FILIP1L: variants seen among roughly 807,000 people sequenced by gnomAD.
FILIP1L encodes the protein filamin A-interacting protein 1-like.
A neutral mutation model predicts 96.6 loss-of-function variants in FILIP1L; 55 were observed. That is an observed-to-expected ratio of 0.57 (90% CI 0.46 to 0.71). The LOEUF (loss-of-function observed/expected upper bound fraction) is 0.71. Ranked by LOEUF, FILIP1L falls within the 30% of genes least tolerant of loss-of-function variation. FILIP1L has a pLI of 0.00. For synonymous variants in FILIP1L, 467 were observed against 473.9 expected, an observed-to-expected ratio of 0.99 and a Z score of 0.19; for missense variants, 1,304 against 1,321.2, an observed-to-expected ratio of 0.99 and a Z score of 0.20.
intron 1 of FILIP1L, among the ~76,000 whole-genome samples, chr3:100,051,843 A>G (rs1189389975): frequency 6.7e-6 from 1 of 148,832 alleles, no homozygotes; most frequent in Non-Finnish European, 1.5e-5. Flanking sequence ...TTTATTATAT[A>G]TATTTTTTAT....
intron 4 of FILIP1L, among the ~76,000 whole-genome samples, chr3:99,856,447 T>C (rs1943971074): frequency 6.6e-6 from 1 of 152,218 alleles, no homozygotes; most frequent in South Asian, 2.1e-4. Flanking sequence ...GTTCTAGTAC[T>C]GACACCACAG....
At chr3:99,993,132 T>G (rs1303851094) in intron 1 of FILIP1L, among the ~76,000 whole-genome samples, 1 of 152,154 alleles carries the variant, frequency 6.6e-6, no homozygotes, top group Non-Finnish European at 1.5e-5. Flanking sequence ...AGGATTTCTT[T>G]GGCTATTTGA....
At chr3:100,042,295 A>G (rs771074634) in intron 1 of FILIP1L, among the ~76,000 whole-genome samples, 3 of 152,142 alleles carry the variant, frequency 2.0e-5, no homozygotes, top group Non-Finnish European at 4.4e-5. Flanking sequence ...GTCAATATAA[A>G]CTTGATTTTT....
chr3:100,053,437 G>A (rs573216608), intron 1 of FILIP1L, among the ~76,000 whole-genome samples: 11 of 152,206 alleles, frequency 7.2e-5, no homozygotes, highest in African/African-American at 2.4e-4. Context: ...CAAATCTGCC[G>A]CTGTCTTTAC....
intron 1 of FILIP1L, among the ~76,000 whole-genome samples, chr3:99,950,998 C>A (rs994607470): frequency 4.6e-5 from 7 of 152,296 alleles, no homozygotes; most frequent in Admixed American, 2.6e-4. Flanking sequence ...GGATCCAAGC[C>A]CTGCTTGGTT....
At chr3:99,840,072 C>T (rs1943063247) in intron 5 of FILIP1L, among the ~76,000 whole-genome samples, 2 of 152,226 alleles carry the variant, frequency 1.3e-5, no homozygotes, top group South Asian at 2.1e-4. Flanking sequence ...GCCAGGGATG[C>T]TCCTAAACAT....
chr3:99,853,053 C>G (rs1943782157), intron 4 of FILIP1L, among the ~76,000 whole-genome samples: 2 of 152,176 alleles, frequency 1.3e-5, no homozygotes, highest in African/African-American at 4.8e-5. Flanking sequence ...AAGGCTTGCC[C>G]ATGGTTTCTG....
At chr3:99,858,246 A>G (rs1475314132) in intron 4 of FILIP1L, among the ~76,000 whole-genome samples, 1 of 152,072 alleles carries the variant, frequency 6.6e-6, no homozygotes, top group African/African-American at 2.4e-5. Flanking sequence ...CAGGCGGATC[A>G]TGAGGTGAGG....
chr3:99,949,362 C>A (rs1708109297), intron 1 of FILIP1L, among the ~76,000 whole-genome samples: 1 of 152,162 alleles, frequency 6.6e-6, no homozygotes, highest in Non-Finnish European at 1.5e-5. Context: ...CAACTGGCTT[C>A]TTGGTTAAAT....
chr3:99,871,370 A>C (rs1288967058), intron 4 of FILIP1L, among the ~76,000 whole-genome samples: 3 of 152,076 alleles, frequency 2.0e-5, no homozygotes, highest in African/African-American at 7.2e-5. Flanking sequence ...TTTATCCAAC[A>C]CCTTTTCTGT....
intron 4 of FILIP1L, among the ~76,000 whole-genome samples, chr3:99,861,758 C>T (rs907348084): frequency 6.6e-6 from 1 of 152,098 alleles, no homozygotes; most frequent in East Asian, 1.9e-4. Flanking sequence ...CCAATAGGAA[C>T]GAGACAGTGG....
chr3:99,956,073 C>T (rs1322250041), intron 1 of FILIP1L, among the ~76,000 whole-genome samples: 1 of 152,160 alleles, frequency 6.6e-6, no homozygotes, highest in Non-Finnish European at 1.5e-5. Context: ...AAGTTTCCAG[C>T]TTCAAATGGG....
chr3:100,010,957 T>G (rs1295954158), intron 1 of FILIP1L, among the ~76,000 whole-genome samples: 2 of 151,714 alleles, frequency 1.3e-5, no homozygotes, highest in Admixed American at 6.6e-5. Context: ...ATAGTTTAAG[T>G]CTACAAATAA....
chr3:99,891,027 G>C lies in FILIP1L; in HGVS notation c.605+33203C>G, dbSNP rs576809903. ...TTTTAAACTGAATTTTTTGACCTAG[G>C]ATCTTTGGGATTTTTTTCTTTTGTT... On this transcript the variant is annotated intron_variant, in intron 4 of 5. Transcript: ENST00000477258. Among the ~76,000 whole-genome samples, 6 of 151,704 alleles carry C rather than the reference G, an allele frequency of 4.0e-5. No homozygotes were observed. In the South Asian group the frequency reaches 8.3e-4, roughly 21 times the overall value.
intron 1 of FILIP1L, among the ~76,000 whole-genome samples, chr3:100,002,724 G>T (rs1156909339): frequency 1.3e-5 from 2 of 152,186 alleles, no homozygotes; most frequent in Non-Finnish European, 2.9e-5. Flanking sequence ...GGGGCCTGTG[G>T]ACCTGGAGTG....
chr3:100,023,336 A>G (rs1319636521), intron 1 of FILIP1L: 2 of 152,626 alleles, frequency 1.3e-5, no homozygotes, highest in African/African-American at 4.8e-5. Context: ...CTCTCAAGAG[A>G]CAGTGTGTCT....
intron 1 of FILIP1L, chr3:100,051,086 A>G (rs1252632513): frequency 6.6e-6 from 1 of 152,176 alleles, no homozygotes; most frequent in South Asian, 2.1e-4. Flanking sequence ...TTATTTTTAA[A>G]CCATCATTTG....
chr3:99,929,501 G>A (rs766262490), intron 3 of FILIP1L, among the ~76,000 whole-genome samples: 43 of 149,410 alleles, frequency 2.9e-4, no homozygotes, highest in Non-Finnish European at 4.9e-4. Context: ...TGGGTACCCT[G>A]CAAGTTCCCA....
chr3:99,859,729 T>C (rs925618041), intron 4 of FILIP1L, among the ~76,000 whole-genome samples: 5 of 152,012 alleles, frequency 3.3e-5, no homozygotes, highest in African/African-American at 1.2e-4. Context: ...GTTTGCAGAG[T>C]AATTACATGG....
Sources: gnomAD v4.1 joint callset for allele counts (sites outside exome capture counted in the v4.1 genomes callset) on GRCh38, gnomAD v4.1.1 for gene constraint, MANE v1.5 for transcripts, NCBI Gene and HGNC (gene_info 2026-07-23, HGNC 2026-07-21) for gene names.